Variants in SAMSN1 observed in about 807,000 individuals in gnomAD.
SAMSN1 encodes the protein SAM domain, SH3 domain and nuclear localization signals 1.
Under a neutral mutation model 42.0 loss-of-function variants are expected in SAMSN1, and 31 were observed. The observed-to-expected ratio is 0.74, with a 90% CI of 0.55 to 1.00. The LOEUF is 1.00. Ranked by LOEUF, SAMSN1 falls within the 50% of genes least tolerant of loss-of-function variation. The pLI is 0.00. For synonymous variants in SAMSN1, 178 were observed against 151.9 expected (o/e 1.17, Z -1.26); for missense variants, 464 against 439.4 (o/e 1.06, Z -0.50).
chr21:14,523,053 G>T (rs999238044), intron 1 of SAMSN1, among the ~76,000 whole-genome samples: 1 of 152,034 alleles, frequency 6.6e-6, no homozygotes, highest in Non-Finnish European at 1.5e-5. Flanking sequence ...GTCAGGAACT[G>T]ATTTTTTTTT....
chr21:14,491,581 A>G (rs1986686870), intron 7 of SAMSN1, among the ~76,000 whole-genome samples: 1 of 152,190 alleles, frequency 6.6e-6, no homozygotes. Flanking sequence ...ACTTCACCCA[A>G]TTAGCTAGCC....
chr21:14,628,113 T>A (rs1166226198), intron 2 of SAMSN1, among the ~76,000 whole-genome samples: 2 of 152,102 alleles, frequency 1.3e-5, no homozygotes, highest in African/African-American at 4.8e-5. Context: ...AAGACAAATA[T>A]ACACGATGAA....
chr21:14,599,286 C>T (rs1362238280), intron 6 of SAMSN1, among the ~76,000 whole-genome samples: 1 of 151,964 alleles, frequency 6.6e-6, no homozygotes, highest in Non-Finnish European at 1.5e-5. Context: ...TTCCCCCATG[C>T]TGCTGTCATA....
intron 6 of SAMSN1, among the ~76,000 whole-genome samples, chr21:14,596,689 G>A (rs555350301): frequency 6.6e-6 from 1 of 152,212 alleles, no homozygotes; most frequent in South Asian, 2.1e-4. Context: ...AAGTGGCAAG[G>A]GACCTATCCC....
Position 14,577,234 on chromosome 21 carries a change from GTGTGTA to G in SAMSN1, c.261+4896_261+4901del, listed in dbSNP as rs1272392312. On this transcript the variant is annotated intron_variant, in intron 2 of 8. Transcript: ENST00000285670. ...CCATGGTGGGCTAATTTATATATAT[GTGTGTA>G]TATATATATATATATATATATATAT... Among the ~76,000 whole-genome samples, 133 of 21,316 alleles carry G rather than the reference GTGTGTA, an allele frequency of 6.2e-3. 10 individuals are homozygous for G. The highest frequency in any genetic ancestry group is 0.021 in the South Asian group (9 of 426). The allele number at this position is 21,316 out of a possible 152,430, so 14.0% of individuals were successfully genotyped here. A position where few individuals can be genotyped will look rare whatever the true frequency, so the allele number is the denominator to read the frequency against.
At chr21:14,628,900 A>G (rs370474193) in intron 2 of SAMSN1, among the ~76,000 whole-genome samples, 1 of 152,198 alleles carries the variant, frequency 6.6e-6, no homozygotes, top group Admixed American at 6.5e-5. Flanking sequence ...GGTTGATACT[A>G]TTACAATTAA....
At chr21:14,509,983 C>T (rs1568775500) in intron 5 of SAMSN1, among the ~76,000 whole-genome samples, 1 of 151,178 alleles carries the variant, frequency 6.6e-6, no homozygotes, top group South Asian at 2.1e-4. Context: ...ACTAAAAATA[C>T]AAAAAATTAG....
intron 1 of SAMSN1, among the ~76,000 whole-genome samples, chr21:14,531,751 T>C (rs950001691): frequency 6.6e-6 from 1 of 152,164 alleles, no homozygotes; most frequent in African/African-American, 2.4e-5. Flanking sequence ...GAAATTATGG[T>C]TAAATAAAGA....
intron 2 of SAMSN1, among the ~76,000 whole-genome samples, chr21:14,621,778 G>C (rs982485735): frequency 6.6e-6 from 1 of 152,204 alleles, no homozygotes; most frequent in African/African-American, 2.4e-5. Flanking sequence ...AGAGAGTAGT[G>C]GTTCTCTCAG....
At chr21:14,506,200 C>T (rs1321616338) in intron 5 of SAMSN1, among the ~76,000 whole-genome samples, 1 of 151,574 alleles carries the variant, frequency 6.6e-6, no homozygotes, top group Non-Finnish European at 1.5e-5. Context: ...TCAAACACAG[C>T]AGAAGAAAGG....
intron 5 of SAMSN1, among the ~76,000 whole-genome samples, chr21:14,502,012 GACTTA>G (rs2123693434): frequency 1.3e-5 from 2 of 152,302 alleles, no homozygotes; most frequent in South Asian, 4.1e-4. Context: ...CCTCCTTTGA[GACTTA>G]AAACTTTCTG....
chr21:14,576,974 T>C (rs186256958), intron 2 of SAMSN1, among the ~76,000 whole-genome samples: 2 of 151,594 alleles, frequency 1.3e-5, no homozygotes, highest in Non-Finnish European at 2.9e-5. Context: ...ATAAAATGGG[T>C]TTGAAAATAT....
rs578238229 is a variant in SAMSN1 at position 14,528,277 on chromosome 21, A to T, written c.58-7056T>A. Among the ~76,000 whole-genome samples, 4 of 152,244 alleles carry T rather than the reference A, an allele frequency of 2.6e-5. No individual in the cohort carries two copies. In the South Asian group the frequency reaches 8.3e-4, roughly 32 times the overall value. On this transcript the variant is annotated intron_variant, in intron 1 of 7. Transcript: ENST00000400566. ...CCTTCTTTCTCTTCTTCTCTAACTA[A>T]TAAGCCCATAAATAAGTACCACTAA...
At position 14,612,651 on chromosome 21, in the gene SAMSN1, TAAATATAAACGGA is replaced by T. The variant is rs764691593; in HGVS notation, c.235+212_235+224del. 1.1e-4 allele frequency: 69 copies of T among 601,800 alleles called. 1 individual carries two copies. The highest frequency in any genetic ancestry group is 1.0e-3 in the South Asian group (66 of 65,508). 37.3% of individuals were successfully genotyped at this position (601,800 alleles called of 1,614,324 possible). A position where few individuals can be genotyped will look rare whatever the true frequency, so the allele number is the denominator to read the frequency against. ...AACTACCAAAGAGGATTATTCTGTT[TAAATATAAACGGA>T]AAATATTGCAAATAAATCAATGATT... On this transcript the variant is annotated intron_variant, in intron 4 of 15. Transcript: ENST00000647101.
intron 2 of SAMSN1, among the ~76,000 whole-genome samples, chr21:14,616,422 G>T (rs960397449): frequency 7.9e-5 from 12 of 152,084 alleles, no homozygotes; most frequent in Admixed American, 6.6e-4. Context: ...ACACATACCT[G>T]GGTGTGTTAG....
intron 1 of SAMSN1, among the ~76,000 whole-genome samples, chr21:14,649,284 A>T (rs1205977623): frequency 9.7e-5 from 4 of 41,328 alleles, no homozygotes; most frequent in African/African-American, 2.2e-4. Flanking sequence ...GGGTGGGGGG[A>T]GGGGGGGAGG....
intron 3 of SAMSN1, among the ~76,000 whole-genome samples, chr21:14,513,629 G>T (rs1987784582): frequency 6.6e-6 from 1 of 152,118 alleles, no homozygotes; most frequent in Non-Finnish European, 1.5e-5. Context: ...TGATGTGAGA[G>T]AATTTGTTGC....
At chr21:14,567,723 T>C (rs1323485370) in intron 2 of SAMSN1, among the ~76,000 whole-genome samples, 1 of 152,018 alleles carries the variant, frequency 6.6e-6, no homozygotes, top group Non-Finnish European at 1.5e-5. Flanking sequence ...CCTAAGGTGA[T>C]GTGTATGGCA....
At chr21:14,623,385 C>G (rs1439902426) in intron 2 of SAMSN1, among the ~76,000 whole-genome samples, 1 of 152,170 alleles carries the variant, frequency 6.6e-6, no homozygotes, top group Non-Finnish European at 1.5e-5. Context: ...AGACCCATCT[C>G]ACGTGCAGAG....
Sources: allele counts gnomAD v4.1 joint callset (sites outside exome capture counted in the v4.1 genomes callset), GRCh38; gene constraint gnomAD v4.1.1; transcripts MANE v1.5; gene names NCBI Gene and HGNC (gene_info 2026-07-23, HGNC 2026-07-21).